GNL3L: variants seen among roughly 807,000 people sequenced by gnomAD.
GNL3L encodes G protein nucleolar 3 like, also known as guanine nucleotide-binding protein-like 3-like protein.
A neutral mutation model predicts 42.9 loss-of-function variants in GNL3L; 4 were observed. The observed-to-expected ratio is 0.09, with a 90% CI of 0.05 to 0.21. The LOEUF (loss-of-function observed/expected upper bound fraction) is 0.21, where lower values mean the gene tolerates loss of function less well. Ranked by LOEUF, GNL3L falls within the 10% of genes least tolerant of loss-of-function variation. GNL3L has a pLI of 1.00. For missense variants in GNL3L, 412 were observed against 481.7 expected, an observed-to-expected ratio of 0.86 and a Z score of 1.36; for synonymous variants, 159 against 176.3, an observed-to-expected ratio of 0.90 and a Z score of 0.78.
chrX:54,593,004 G>A (rs182443048), intron 16 of GNL3L, among the ~76,000 whole-genome samples: 101 of 111,029 alleles, frequency 9.1e-4, no homozygotes, highest in African/African-American at 3.1e-3. Context: ...TTTTTAATGC[G>A]TTGTTGAATT....
intron 16 of GNL3L, among the ~76,000 whole-genome samples, chrX:54,616,677 G>A (rs1237564299): frequency 9.0e-6 from 1 of 111,597 alleles, no homozygotes; most frequent in Non-Finnish European, 1.9e-5. Flanking sequence ...GCCTTACACT[G>A]TGCATTTTTC....
chrX:54,549,040 C>G (rs745455964), intron 9 of GNL3L, among the ~76,000 whole-genome samples: 2 of 111,227 alleles, frequency 1.8e-5, no homozygotes, highest in African/African-American at 3.3e-5. Context: ...GACATAGAAA[C>G]AGACATGCAT....
At chrX:54,536,899 C>G (rs1419185950) in intron 2 of GNL3L, among the ~76,000 whole-genome samples, 1 of 110,534 alleles carries the variant, frequency 9.0e-6, no homozygotes, top group Non-Finnish European at 1.9e-5. Flanking sequence ...CTTTGCTCAC[C>G]TGAAAATGTC....
chrX:54,617,527 C>T (rs759695077), intron 16 of GNL3L, among the ~76,000 whole-genome samples: 8 of 111,943 alleles, frequency 7.1e-5, no homozygotes, highest in Middle Eastern at 4.3e-3. Context: ...ATTTTCCCCC[C>T]GCTAGAAACT....
chrX:54,587,397 T>C (rs1301423638), intron 16 of GNL3L, among the ~76,000 whole-genome samples: 4 of 112,366 alleles, frequency 3.6e-5, no homozygotes, highest in Non-Finnish European at 7.5e-5. Context: ...CCTCACTTTA[T>C]GCCTAATAAT....
intron 16 of GNL3L, among the ~76,000 whole-genome samples, chrX:54,574,668 A>T (rs1226940924): frequency 1.8e-5 from 2 of 111,930 alleles, no homozygotes; most frequent in African/African-American, 6.5e-5. Context: ...TGTTACTTTT[A>T]TTTTTTGGAA....
chrX:54,547,836 C>G (rs984502756), intron 8 of GNL3L, among the ~76,000 whole-genome samples: 11 of 112,101 alleles, frequency 9.8e-5, no homozygotes, highest in African/African-American at 3.2e-4. Context: ...GGCTCCCTCT[C>G]ATCCCTGCGC....
chrX:54,577,577 C>A (rs761622028), intron 16 of GNL3L, among the ~76,000 whole-genome samples: 2 of 111,614 alleles, frequency 1.8e-5, no homozygotes, highest in African/African-American at 3.3e-5. Flanking sequence ...TCCCATTTCC[C>A]TCACCACCTC....
chrX:54,602,057 GC>G (rs1179458496), intron 16 of GNL3L, among the ~76,000 whole-genome samples: 4 of 110,922 alleles, frequency 3.6e-5, no homozygotes, highest in Non-Finnish European at 7.6e-5. Context: ...TTGTGTACAG[GC>G]TTTTTATGTA....
chrX:54,548,871 T>C, intron 9 of GNL3L, among the ~76,000 whole-genome samples: 1 of 110,559 alleles, frequency 9.0e-6, no homozygotes, highest in East Asian at 2.9e-4. Context: ...AGCTAGACAC[T>C]GAGAAGGTAT....
At chrX:54,610,678 C>T (rs1354757642) in intron 16 of GNL3L, among the ~76,000 whole-genome samples, 1 of 111,568 alleles carries the variant, frequency 9.0e-6, no homozygotes, top group Non-Finnish European at 1.9e-5. Context: ...TAAATCACAC[C>T]TCCATCCCTG....
At chrX:54,572,561 C>G (rs1925564903) in intron 16 of GNL3L, among the ~76,000 whole-genome samples, 1 of 111,733 alleles carries the variant, frequency 8.9e-6, no homozygotes. Context: ...AGAGGGGCTC[C>G]TCACTTCCCA....
At chrX:54,554,540 G>C in intron 13 of GNL3L, 25 bp from the exon 14 acceptor site, 1 of 1,204,004 alleles carries the variant, frequency 8.3e-7, no homozygotes, top group Non-Finnish European at 1.1e-6. Context: ...CCAGGGCCCT[G>C]ACAGTGGTGT....
intron 2 of GNL3L, among the ~76,000 whole-genome samples, chrX:54,536,800 C>A (rs868061455): frequency 1.8e-3 from 86 of 47,486 alleles, no homozygotes; most frequent in African/African-American, 2.4e-3. Flanking sequence ...AAAAAAAAAA[C>A]AGAGAGAGAG....
the GNL3L span, among the ~76,000 whole-genome samples, chrX:54,644,019 T>G: frequency 1.8e-5 from 2 of 112,536 alleles, no homozygotes; most frequent in African/African-American, 3.2e-5. Flanking sequence ...CATCCGTTGA[T>G]GGACACTTAG....
At chrX:54,639,757 G>A in the GNL3L span, among the ~76,000 whole-genome samples, 4 of 112,163 alleles carry the variant, frequency 3.6e-5, no homozygotes, top group African/African-American at 1.3e-4. Context: ...ATTGTCCAGT[G>A]GTGAGGGCGC....
chrX:54,607,050 T>TTC (rs1450963834), intron 16 of GNL3L, among the ~76,000 whole-genome samples: 4 of 69,670 alleles, frequency 5.7e-5, no homozygotes, highest in Middle Eastern at 6.8e-3. Context: ...CTTTCTTTCT[T>TTC]TCTTTCTTTC....
chrX:54,599,970 T>G (rs1320106168), intron 16 of GNL3L, among the ~76,000 whole-genome samples: 1 of 110,789 alleles, frequency 9.0e-6, no homozygotes, highest in African/African-American at 3.3e-5. Context: ...GACTTTCTAT[T>G]TTTTCATTTG....
intron 8 of GNL3L, among the ~76,000 whole-genome samples, chrX:54,547,747 A>G (rs188764960): frequency 4.9e-4 from 55 of 111,672 alleles, no homozygotes; most frequent in Non-Finnish European, 8.7e-4. Flanking sequence ...AATTCTGGGC[A>G]GAGGAAGTGG....
Sources: allele counts gnomAD v4.1 joint callset (sites outside exome capture counted in the v4.1 genomes callset), GRCh38; gene constraint gnomAD v4.1.1; transcripts MANE v1.5; gene names NCBI Gene and HGNC (gene_info 2026-07-23, HGNC 2026-07-21).